NTM: variants seen among roughly 807,000 people sequenced by gnomAD.
The protein encoded by NTM is neurotrimin, also known as IgLON family member 2.
In NTM, 13 loss-of-function variants were observed where a neutral mutation model predicts 42.1. The observed-to-expected ratio is 0.31, with a 90% confidence interval of 0.20 to 0.49. NTM has a LOEUF of 0.49. NTM is among the 20% of genes least tolerant of loss of function. NTM has a pLI of 0.99. For missense variants in NTM, 373 were observed against 452.8 expected, an observed-to-expected ratio of 0.82 and a Z score of 1.60; for synonymous variants, 187 against 179.2, an observed-to-expected ratio of 1.04 and a Z score of -0.35.
chr11:132,160,927 G>A (rs902622271), intron 3 of NTM, among the ~76,000 whole-genome samples: 11 of 152,206 alleles, frequency 7.2e-5, no homozygotes, highest in Non-Finnish European at 1.3e-4. Flanking sequence ...ACGGCAGATG[G>A]CCCAGGGCCT....
At chr11:131,410,035 G>A (rs1040019287) in intron 1 of NTM, among the ~76,000 whole-genome samples, 2 of 152,106 alleles carry the variant, frequency 1.3e-5, no homozygotes, top group Admixed American at 1.3e-4. Context: ...GGTGAAGGAT[G>A]GGAGAGGGGA....
intron 2 of NTM, among the ~76,000 whole-genome samples, chr11:131,964,327 A>C (rs910871282): frequency 2.0e-5 from 3 of 152,096 alleles, no homozygotes; most frequent in Non-Finnish European, 4.4e-5. Flanking sequence ...TTTCCCCCAG[A>C]CTTCTAATTC....
chr11:132,058,832 C>T (rs1422064531), intron 2 of NTM, among the ~76,000 whole-genome samples: 2 of 152,166 alleles, frequency 1.3e-5, no homozygotes, highest in Non-Finnish European at 2.9e-5. Context: ...GATGCACAAC[C>T]TGTGCATTTC....
At chr11:132,043,820 G>T (rs1163235626) in intron 2 of NTM, among the ~76,000 whole-genome samples, 1 of 152,182 alleles carries the variant, frequency 6.6e-6, no homozygotes, top group Non-Finnish European at 1.5e-5. Context: ...AAAGAATACA[G>T]AGTTTTGGTG....
intron 1 of NTM, among the ~76,000 whole-genome samples, chr11:131,549,301 T>C (rs759027461): frequency 1.4e-4 from 21 of 152,258 alleles, no homozygotes; most frequent in Non-Finnish European, 2.6e-4. Flanking sequence ...ACTCAGCATA[T>C]TGCAATAAAT....
At chr11:132,324,940 A>G (rs1456157619) in intron 7 of NTM, among the ~76,000 whole-genome samples, 1 of 151,458 alleles carries the variant, frequency 6.6e-6, no homozygotes, top group Non-Finnish European at 1.5e-5. Flanking sequence ...TATTTAATAA[A>G]TGGTGCTGGG....
At chr11:132,276,159 G>T (rs1229300738) in intron 4 of NTM, among the ~76,000 whole-genome samples, 1 of 151,962 alleles carries the variant, frequency 6.6e-6, no homozygotes, top group Non-Finnish European at 1.5e-5. Flanking sequence ...TTCATGTAAT[G>T]CAGTGAAGTG....
intron 3 of NTM, among the ~76,000 whole-genome samples, chr11:132,202,696 T>C (rs2081340789): frequency 6.6e-6 from 1 of 152,164 alleles, no homozygotes; most frequent in Non-Finnish European, 1.5e-5. Flanking sequence ...AAGGAAAGAA[T>C]GGTATGGACT....
intron 4 of NTM, among the ~76,000 whole-genome samples, chr11:132,268,668 C>G (rs61906035): frequency 0.27 from 36,737 of 138,336 alleles, 5,066 homozygotes; most frequent in East Asian, 0.63. Context: ...CTCTCTCTCT[C>G]TCTGTGTGTG....
intron 1 of NTM, among the ~76,000 whole-genome samples, chr11:131,434,279 T>G (rs908542650): frequency 4.6e-5 from 7 of 152,230 alleles, no homozygotes; most frequent in Non-Finnish European, 1.0e-4. Flanking sequence ...CTAGCATGAT[T>G]TATAATCCTT....
intron 2 of NTM, among the ~76,000 whole-genome samples, chr11:132,084,026 A>G (rs2059400745): frequency 6.6e-6 from 1 of 152,138 alleles, no homozygotes; most frequent in Non-Finnish European, 1.5e-5. Flanking sequence ...CTATTACTTC[A>G]GTCTATTCAG....
At chr11:132,078,176 A>G (rs994727901) in intron 2 of NTM, among the ~76,000 whole-genome samples, 1 of 152,236 alleles carries the variant, frequency 6.6e-6, no homozygotes, top group African/African-American at 2.4e-5. Flanking sequence ...TCTCCCCAGT[A>G]AAGTCAGTTT....
At chr11:131,492,753 G>A (rs1992896) in intron 1 of NTM, among the ~76,000 whole-genome samples, 14,590 of 152,186 alleles carry the variant, frequency 0.096, 1,262 homozygotes, top group East Asian at 0.48. Context: ...GATGATGGGG[G>A]CTTTGAGTAC....
At chr11:131,999,703 A>G (rs1357248026) in intron 2 of NTM, among the ~76,000 whole-genome samples, 1 of 152,228 alleles carries the variant, frequency 6.6e-6, no homozygotes, top group African/African-American at 2.4e-5. Flanking sequence ...TCTTAAATAA[A>G]TGAACCAATC....
chr11:131,822,571 T>G (rs889113719), intron 1 of NTM, among the ~76,000 whole-genome samples: 4 of 152,170 alleles, frequency 2.6e-5, no homozygotes, highest in African/African-American at 9.7e-5. Flanking sequence ...CAGCCCCTCA[T>G]AACAGCTGCT....
chr11:131,581,179 C>T (rs2058375427), intron 1 of NTM, among the ~76,000 whole-genome samples: 1 of 152,186 alleles, frequency 6.6e-6, no homozygotes, highest in Admixed American at 6.5e-5. Context: ...GCTCTTTTCC[C>T]CTTGGTGGGC....
chr11:131,407,173 T>C (rs995310704), intron 1 of NTM, among the ~76,000 whole-genome samples: 6 of 152,182 alleles, frequency 3.9e-5, no homozygotes, highest in African/African-American at 1.4e-4. Context: ...GTCCAGAGAA[T>C]ATAGTTACAA....
chr11:131,790,293 T>A (rs915992586), intron 1 of NTM, among the ~76,000 whole-genome samples: 3 of 152,262 alleles, frequency 2.0e-5, no homozygotes, highest in Middle Eastern at 3.4e-3. Flanking sequence ...GATAGACTGA[T>A]GAGAAAAACA....
intron 1 of NTM, among the ~76,000 whole-genome samples, chr11:131,572,919 C>T (rs775976598): frequency 3.9e-5 from 6 of 152,154 alleles, no homozygotes; most frequent in African/African-American, 1.2e-4. Flanking sequence ...GAGGAGAGCT[C>T]GGACCATGTC....
Sources: gnomAD v4.1 joint callset for allele counts (sites outside exome capture counted in the v4.1 genomes callset) on GRCh38, gnomAD v4.1.1 for gene constraint, MANE v1.5 for transcripts, NCBI Gene and HGNC (gene_info 2026-07-23, HGNC 2026-07-21) for gene names.